EFCAB6: variants seen among roughly 807,000 people sequenced by gnomAD.
EFCAB6 encodes EF-hand calcium-binding domain-containing protein 6.
In EFCAB6, 156 loss-of-function variants were observed where a neutral mutation model predicts 169.8. That is an observed-to-expected ratio of 0.92 (90% CI 0.81 to 1.05). The LOEUF (loss-of-function observed/expected upper bound fraction) is 1.05, where lower values mean the gene tolerates loss of function less well. EFCAB6 is among the 50% of genes least tolerant of loss of function. The probability of loss-of-function intolerance (pLI) is 0.00; values close to 1 mark genes in which losing one functional copy is unlikely to be tolerated. For synonymous variants in EFCAB6, 698 were observed against 676.4 expected (o/e 1.03, Z -0.50); for missense variants, 1,800 against 1,829.1 (o/e 0.98, Z 0.29).
chr22:43,663,264 G>C (rs551437452), intron 17 of EFCAB6, among the ~76,000 whole-genome samples: 1 of 152,208 alleles, frequency 6.6e-6, no homozygotes, highest in African/African-American at 2.4e-5. Flanking sequence ...AATTTCAAAG[G>C]CTTCCACAAC....
In EFCAB6 at chr22:43,731,814, A is replaced by G. The variant is rs2059961246; in HGVS notation, c.645-3T>C. On this transcript the variant is annotated splice_polypyrimidine_tract_variant and splice_region_variant and intron_variant, in intron 7 of 31. Transcript: ENST00000262726. ...GGATGTTGTAGTGTTTCGAAAACCT[A>G]AAATACAAATGTTCTTTAGTAATGA... The G allele has an allele frequency of 6.4e-7, 1 of 1,551,832 alleles. No homozygotes were observed. The highest frequency in any genetic ancestry group is 1.2e-5 in the South Asian group (1 of 80,456).
At chr22:43,591,472 A>G (rs868524763) in intron 23 of EFCAB6, among the ~76,000 whole-genome samples, 24 of 136,896 alleles carry the variant, frequency 1.8e-4, no homozygotes, top group South Asian at 4.8e-4. Flanking sequence ...AAAAAAAAAA[A>G]AAAGAAAAGA....
chr22:43,620,021 T>C (rs2054009435), intron 20 of EFCAB6, among the ~76,000 whole-genome samples: 1 of 152,170 alleles, frequency 6.6e-6, no homozygotes, highest in Non-Finnish European at 1.5e-5. Flanking sequence ...AAATCATCTC[T>C]AAAGTAGCCT....
At chr22:43,584,263 G>T (rs898371640) in intron 24 of EFCAB6, among the ~76,000 whole-genome samples, 2 of 152,170 alleles carry the variant, frequency 1.3e-5, no homozygotes, top group African/African-American at 2.4e-5. Flanking sequence ...CCTGAAACCT[G>T]GAGAGACAGG....
intron 17 of EFCAB6, among the ~76,000 whole-genome samples, chr22:43,642,547 G>A (rs1319171310): frequency 1.3e-5 from 2 of 152,154 alleles, no homozygotes; most frequent in East Asian, 1.9e-4. Flanking sequence ...GGCATGATCT[G>A]AGAGTTCCAG....
At chr22:43,787,257 G>A (rs570269340) in intron 2 of EFCAB6, among the ~76,000 whole-genome samples, 25 of 152,116 alleles carry the variant, frequency 1.6e-4, no homozygotes, top group African/African-American at 5.3e-4. Context: ...CCATATTGGA[G>A]ACTAAGATGA....
At chr22:43,708,089 T>TAAA (rs137824) in intron 10 of EFCAB6, among the ~76,000 whole-genome samples, 15 of 115,506 alleles carry the variant, frequency 1.3e-4, no homozygotes, top group South Asian at 2.7e-4. Flanking sequence ...TAAAGAAAAC[T>TAAA]AAAAAAAAAA....
intron 21 of EFCAB6, among the ~76,000 whole-genome samples, chr22:43,610,530 G>C (rs2053228949): frequency 6.6e-6 from 1 of 152,204 alleles, no homozygotes; most frequent in African/African-American, 2.4e-5. Flanking sequence ...GGTACCAAGT[G>C]CTACAGGGTT....
chr22:43,586,483 C>T (rs564233625), intron 24 of EFCAB6, among the ~76,000 whole-genome samples: 5 of 150,450 alleles, frequency 3.3e-5, no homozygotes, highest in Admixed American at 1.3e-4. Context: ...GAAAGGGGTG[C>T]TAATATTCTC....
intron 19 of EFCAB6, 42 bp from the exon 20 acceptor site, chr22:43,626,721 C>A (rs531065120): frequency 6.2e-7 from 1 of 1,603,052 alleles, no homozygotes; most frequent in East Asian, 2.2e-5. Flanking sequence ...CCCCAAGAGC[C>A]CCGGACGGCC....
intron 11 of EFCAB6, 144 bp downstream of exon 11, chr22:43,687,327 T>A (rs1421257303): frequency 5.6e-6 from 3 of 536,540 alleles, no homozygotes; most frequent in Non-Finnish European, 9.5e-6. Context: ...AAGCAGTAAA[T>A]CACTATATAA....
chr22:43,586,251 C>T (rs140522436), intron 24 of EFCAB6, among the ~76,000 whole-genome samples: 1 of 151,552 alleles, frequency 6.6e-6, no homozygotes, highest in African/African-American at 2.4e-5. Context: ...TATAAGTTTC[C>T]TGTACTTCCC....
At chr22:43,793,215 C>T (rs752412518) in intron 2 of EFCAB6, among the ~76,000 whole-genome samples, 5 of 152,154 alleles carry the variant, frequency 3.3e-5, no homozygotes, top group African/African-American at 7.2e-5. Flanking sequence ...AAAGTAATTC[C>T]TCCTAATGCC....
intron 6 of EFCAB6, among the ~76,000 whole-genome samples, chr22:43,751,950 C>T (rs752093980): frequency 2.0e-5 from 3 of 152,154 alleles, no homozygotes; most frequent in African/African-American, 7.2e-5. Flanking sequence ...CTAGTACGTG[C>T]TCAGTGCTAG....
intron 3 of EFCAB6, among the ~76,000 whole-genome samples, chr22:43,780,790 ATGGGACCTGG>A (rs2061798729): frequency 6.6e-6 from 1 of 152,214 alleles, no homozygotes; most frequent in South Asian, 2.1e-4. Context: ...TGGTAGATGC[ATGGGACCTGG>A]TGGTTCAAGT....
At chr22:43,773,698 T>G (rs1343033473) in intron 3 of EFCAB6, among the ~76,000 whole-genome samples, 2 of 152,030 alleles carry the variant, frequency 1.3e-5, no homozygotes, top group African/African-American at 4.8e-5. Context: ...AAATACAAAA[T>G]TAGCTGGGTG....
intron 5 of EFCAB6, among the ~76,000 whole-genome samples, chr22:43,764,807 C>G (rs1025621178): frequency 5.9e-5 from 9 of 151,834 alleles, no homozygotes; most frequent in African/African-American, 2.2e-4. Context: ...AAACTCCAAC[C>G]TGCTCATGTT....
At chr22:43,802,830 T>C in intron 2 of EFCAB6, 1 of 423,188 alleles carries the variant, frequency 2.4e-6, no homozygotes, top group South Asian at 2.0e-5. Context: ...CAGTTTGAAA[T>C]ACTATTTTTA....
At chr22:43,535,020 A>G in intron 29 of EFCAB6, 148 bp from the exon 30 acceptor site, 5 of 763,942 alleles carry the variant, frequency 6.5e-6, no homozygotes, top group Admixed American at 2.9e-5. Flanking sequence ...GTGGCTGGAC[A>G]TATGTGGAGA....
Sources: gnomAD v4.1 joint callset for allele counts (sites outside exome capture counted in the v4.1 genomes callset) on GRCh38, gnomAD v4.1.1 for gene constraint, MANE v1.5 for transcripts, NCBI Gene and HGNC (gene_info 2026-07-23, HGNC 2026-07-21) for gene names.